CHAMP1: variants seen among roughly 807,000 people sequenced by gnomAD.
CHAMP1 encodes chromosome alignment maintaining phosphoprotein 1.
A neutral mutation model predicts 54.5 loss-of-function variants in CHAMP1; 4 were observed. The ratio of observed to expected loss-of-function variants is 0.07; its 90% confidence interval spans 0.04 to 0.17. The LOEUF is 0.17. Ranked by LOEUF, CHAMP1 falls within the 10% of genes least tolerant of loss-of-function variation. The probability of loss-of-function intolerance (pLI) is 1.00; values close to 1 mark genes in which losing one functional copy is unlikely to be tolerated. For synonymous variants in CHAMP1, 368 were observed against 342.2 expected (o/e 1.08, Z -0.83); for missense variants, 994 against 968.6 (o/e 1.03, Z -0.35).
In CHAMP1 at chr13:114,323,982, G is replaced by A. The variant is rs1170064140; in HGVS notation, c.140G>A (p.Gly47Asp). ...HPEFCDEMDAGGLGKMIFYQK... is the reference protein window; with the variant it reads ...HPEFCDEMDADGLGKMIFYQK... ...GAATTTTGTGATGAAATGGATGCTG[G>A]TGGGCTAGGCAAAATGATATTTTAC... is the stretch of plus-strand genomic sequence containing the variant. Residue 47 changes from glycine (G) to aspartate (D), a missense_variant, in exon 3 of 3, where the codon GGT becomes GAT. Transcript: ENST00000361283. 1 of 1,614,060 alleles carries A rather than the reference G, an allele frequency of 6.2e-7. No homozygotes were observed. Among genetic ancestry groups the A allele is most frequent in the Non-Finnish European group, 8.5e-7 (1 of 1,180,048 alleles).
chr13:114,326,363 G>A lies in CHAMP1; in HGVS notation c.*82G>A. 7.0e-6 allele frequency: 10 copies of A among 1,437,028 alleles called. No individual in the cohort carries two copies. Among genetic ancestry groups the A allele is most frequent in the Non-Finnish European group, 9.3e-6 (10 of 1,077,022 alleles). 89.0% of individuals were successfully genotyped at this position (1,437,028 alleles called of 1,614,324 possible). A position where few individuals can be genotyped will look rare whatever the true frequency, so the allele number is the denominator to read the frequency against. Reference sequence around the variant, plus strand: ...GTATAGCTTATCAGATAGCATAGTTGGATCAGTAGATGACATGTATGGTGT... The same window carrying A: ...GTATAGCTTATCAGATAGCATAGTTAGATCAGTAGATGACATGTATGGTGT... On this transcript the variant is annotated 3_prime_UTR_variant, in exon 3 of 3. Coordinates refer to ENST00000361283, the MANE Select transcript of CHAMP1 (RefSeq NM_032436.4).
Position 114,325,463 on chromosome 13 carries a change from G to T in CHAMP1, c.1621G>T (p.Ala541Ser). The change falls in exon 3 of 3, where the codon GCT (alanine) becomes TCT (serine). Residue 541 changes from alanine to serine, a missense_variant. Ala to Ser is a moderately conservative substitution (Grantham distance 99). Around this residue, in one of 3 missense-constraint regions of CHAMP1, gnomAD observed 851 missense variants for 701.3 expected, o/e 1.21. Transcript: ENST00000361283. ...CGAGCCTGCCAAAACAGCCCCTCCTGCTTCTCCAGAAGCACGCAAACGTGC... is the reference window on the plus strand; with the variant it reads ...CGAGCCTGCCAAAACAGCCCCTCCTTCTTCTCCAGAAGCACGCAAACGTGC... The part of the protein sequence containing the change: ...FPEPAKTAPP[A>S]SPEARKRALF... 1.2e-6 allele frequency: 2 copies of T among 1,614,050 alleles called. No homozygotes were observed. Among genetic ancestry groups the T allele is most frequent in the Non-Finnish European group, 1.7e-6 (2 of 1,180,010 alleles).
At chr13:114,316,316 A>G (rs1305153382) in intron 1 of CHAMP1, among the ~76,000 whole-genome samples, 1 of 151,304 alleles carries the variant, frequency 6.6e-6, no homozygotes. Context: ...GGCGCCTGCC[A>G]CCACACCCGG....
In CHAMP1 at chr13:114,314,553, G is replaced by T. The variant is rs867227295; in HGVS notation, c.-269G>T. ...TCCAGTCGCCATTCGGGAGGCCGCT[G>T]CGCTGCAGGGCCTCGCGGAGCCGCC... is the stretch of plus-strand genomic sequence containing the variant. On this transcript the variant is annotated 5_prime_UTR_variant, in exon 1 of 3. Coordinates refer to ENST00000361283, the MANE Select transcript of CHAMP1 (RefSeq NM_032436.4). 2 of 151,776 alleles carry T rather than the reference G, an allele frequency of 1.3e-5. No homozygotes were observed. The highest frequency in any genetic ancestry group is 4.1e-4 in the South Asian group (2 of 4,834). 9.4% of individuals were successfully genotyped at this position (151,776 alleles called of 1,614,324 possible).
chr13:114,324,172 T>C lies in CHAMP1; in HGVS notation c.330T>C (p.Pro110=), dbSNP rs1555379374. 1 of 1,614,148 alleles carries C rather than the reference T, an allele frequency of 6.2e-7. No homozygotes were observed. The highest frequency in any genetic ancestry group is 1.1e-5 in the South Asian group (1 of 91,078). ...AAACAGATCCTGTGAAAAGCCCTCC[T>C]CTTCCTGAACACCAGAAAATACCCT... The part of the protein sequence containing the change: ...NKETDPVKSP[P]LPEHQKIPCN... Residue 110 remains proline, a synonymous_variant, in exon 3 of 3, where the codon CCT becomes CCC. Coordinates refer to ENST00000361283, the MANE Select transcript of CHAMP1 (RefSeq NM_032436.4).
At position 114,314,656 on chromosome 13, in the gene CHAMP1, A is replaced by C. The variant is rs1248039048; in HGVS notation, c.-179+13A>C. The C allele has an allele frequency of 6.6e-6, 1 of 152,044 alleles. No homozygotes were observed. The highest frequency in any genetic ancestry group is 2.4e-5 in the African/African-American group (1 of 41,396). 9.4% of individuals were successfully genotyped at this position (152,044 alleles called of 1,614,324 possible). The stretch of plus-strand genomic sequence containing the variant: ...CGCGGCCGGACCGGTGAGGAGCGAG[A>C]GCGAGCGGGGGAGGGGCGTGGTTGG... On this transcript the variant is annotated intron_variant, in intron 1 of 2. Transcript: ENST00000361283.
chr13:114,325,080 C>T lies in CHAMP1; in HGVS notation c.1238C>T (p.Pro413Leu), dbSNP rs2087227178. Residue 413 changes from proline (P) to leucine (L), a missense_variant, in exon 3 of 3, where the codon CCC becomes CTC. Coordinates refer to ENST00000361283, the MANE Select transcript of CHAMP1 (RefSeq NM_032436.4). ...TLSPEHWKAV[P>L]PVSPELRKPG... ...TCTCCTGAACATTGGAAGGCAGTTC[C>T]CCCAGTGTCTCCAGAGCTTCGCAAA... 1.9e-6 allele frequency: 3 copies of T among 1,614,156 alleles called. No homozygotes were observed. The highest frequency in any genetic ancestry group is 1.7e-6 in the Non-Finnish European group (2 of 1,180,042).
At chr13:114,314,856 C>A (rs1420191726) in intron 1 of CHAMP1, among the ~76,000 whole-genome samples, 1 of 152,166 alleles carries the variant, frequency 6.6e-6, no homozygotes, top group African/African-American at 2.4e-5. Flanking sequence ...CGGGGAGGCC[C>A]GGTGTCAGTC....
rs554886667 is a variant in CHAMP1 at position 114,327,038 on chromosome 13, A to T, written c.*757A>T. 314 of 129,788 alleles carry T rather than the reference A, an allele frequency of 2.4e-3. 2 individuals carry two copies. The highest frequency in any genetic ancestry group is 0.01 in the African/African-American group (300 of 29,456). 8.0% of individuals were successfully genotyped at this position (129,788 alleles called of 1,614,324 possible). ...CACCCACCGCCTGCCAGCTCACACT[A>T]ATAGATGATTCTTAATTGCCAAATG... is the stretch of plus-strand genomic sequence containing the variant. On this transcript the variant is annotated 3_prime_UTR_variant, in exon 3 of 3. Transcript: ENST00000361283.
At chr13:114,317,325 A>AG (rs974437540) in intron 1 of CHAMP1, among the ~76,000 whole-genome samples, 23 of 146,126 alleles carry the variant, frequency 1.6e-4, no homozygotes, top group African/African-American at 5.5e-4. Flanking sequence ...GCGCCCGCCC[A>AG]GTTTATTAAT....
chr13:114,322,423 A>G (rs144204832), intron 2 of CHAMP1: 1 of 152,320 alleles, frequency 6.6e-6, no homozygotes, highest in African/African-American at 2.4e-5. Context: ...GGAGGAGTAA[A>G]TATCATTACC....
rs150619795 is a variant in CHAMP1, at chr13:114,325,665, T to C, written c.1823T>C (p.Leu608Ser). ...EELLASPKKL[L>S]EDTLFPSSKK... ...CTTCTAGCTTCACCTAAGAAACTCTTAGAAGATACTTTATTTCCTTCCTCA... is the reference window on the plus strand; with the variant it reads ...CTTCTAGCTTCACCTAAGAAACTCTCAGAAGATACTTTATTTCCTTCCTCA... The change falls in exon 3 of 3, where the codon TTA becomes TCA. Residue 608 changes from leucine to serine, a missense_variant. By Grantham distance (145) the Leu-to-Ser change is moderately radical (BLOSUM62 -2). This residue lies in a region of CHAMP1 where 851 missense variants were observed against 701.3 expected (regional missense o/e 1.21). Transcript: ENST00000361283. 11 of 1,613,964 alleles carry C rather than the reference T, an allele frequency of 6.8e-6. No individual in the cohort carries two copies. In the East Asian group the frequency reaches 2.0e-4, roughly 29 times the overall value.
At chr13:114,321,503 G>A (rs2087172027) in intron 2 of CHAMP1, among the ~76,000 whole-genome samples, 1 of 152,126 alleles carries the variant, frequency 6.6e-6, no homozygotes, top group African/African-American at 2.4e-5. Context: ...TGGTAGGTGA[G>A]TCAGACTCAA....
chr13:114,325,686 C>T lies in CHAMP1; in HGVS notation c.1844C>T (p.Ser615Phe). The change falls in exon 3 of 3, where the codon TCC (serine) becomes TTC (phenylalanine). Residue 615 changes from serine (S) to phenylalanine (F), a missense_variant. Around this residue, in one of 3 missense-constraint regions of CHAMP1, gnomAD observed 851 missense variants for 701.3 expected, o/e 1.21. Transcript: ENST00000361283. Reference protein sequence around the residue: ...KKLLEDTLFPSSKKLKKDNQE... With the variant: ...KKLLEDTLFPFSKKLKKDNQE... ...CTCTTAGAAGATACTTTATTTCCTTCCTCAAAGAAGCTCAAGAAAGACAAC... is the reference window on the plus strand; with the variant it reads ...CTCTTAGAAGATACTTTATTTCCTTTCTCAAAGAAGCTCAAGAAAGACAAC... The T allele has an allele frequency of 6.2e-7, 1 of 1,613,726 alleles. No homozygotes were observed. The highest frequency in any genetic ancestry group is 8.5e-7 in the Non-Finnish European group (1 of 1,179,930).
chr13:114,324,639 A>T lies in CHAMP1; in HGVS notation c.797A>T (p.Glu266Val). Residue 266 changes from glutamate (E) to valine (V), a missense_variant, in exon 3 of 3, where the codon GAA becomes GTA. By Grantham distance (121) the Glu-to-Val change is moderately radical. Around this residue, in one of 3 missense-constraint regions of CHAMP1, gnomAD observed 851 missense variants for 701.3 expected, o/e 1.21. Coordinates refer to ENST00000361283, the MANE Select transcript of CHAMP1 (RefSeq NM_032436.4). ...PWGPSPAASP[E>V]SRKSARTTSP... ...GGACCATCCCCAGCTGCATCTCCAG[A>T]ATCTCGGAAGTCAGCCCGGACTACC... is the stretch of plus-strand genomic sequence containing the variant. The T allele has an allele frequency of 6.2e-7, 1 of 1,614,092 alleles. No homozygotes were observed. The highest frequency in any genetic ancestry group is 8.5e-7 in the Non-Finnish European group (1 of 1,180,022).
intron 1 of CHAMP1, among the ~76,000 whole-genome samples, chr13:114,314,867 G>T (rs2087075889): frequency 6.6e-6 from 1 of 152,186 alleles, no homozygotes; most frequent in African/African-American, 2.4e-5. Context: ...GGTGTCAGTC[G>T]CTGCCGAGGC....
At chr13:114,319,717 G>T (rs1263858114) in intron 1 of CHAMP1, among the ~76,000 whole-genome samples, 4 of 152,190 alleles carry the variant, frequency 2.6e-5, no homozygotes, top group African/African-American at 9.7e-5. Flanking sequence ...GCATATGGGG[G>T]AAGTCCTGGA....
In CHAMP1 at chr13:114,326,282, T is replaced by G. The variant is rs1448761418; in HGVS notation, c.*1T>G. 6.4e-7 allele frequency: 1 copy of G among 1,558,844 alleles called. No homozygotes were observed. The highest frequency in any genetic ancestry group is 2.1e-5 in the Admixed American group (1 of 48,304). On this transcript the variant is annotated 3_prime_UTR_variant, in exon 3 of 3. Transcript: ENST00000361283. ...GCCACTGGAGGAGCAGCAAATTTGA[T>G]AACACAGTGTGAATATTTGTTCTAC...
intron 2 of CHAMP1, among the ~76,000 whole-genome samples, chr13:114,321,711 C>G (rs1259099212): frequency 6.6e-6 from 1 of 152,062 alleles, no homozygotes; most frequent in Non-Finnish European, 1.5e-5. Flanking sequence ...GATGGTTAAC[C>G]CATTATTTTT....
Sources: allele counts gnomAD v4.1 joint callset (sites outside exome capture counted in the v4.1 genomes callset), GRCh38; gene constraint gnomAD v4.1.1; regional missense constraint gnomAD v4.1.1; transcripts MANE v1.5; gene names NCBI Gene and HGNC (gene_info 2026-07-23, HGNC 2026-07-21).